Variants in MOB4 observed in about 807,000 individuals in gnomAD.
MOB4 encodes MOB family member 4, phocein, also known as MOB-like protein phocein.
A neutral mutation model predicts 32.2 loss-of-function variants in MOB4; 4 were observed. The observed-to-expected ratio is 0.12, with a 90% CI of 0.06 to 0.28. The LOEUF is 0.28. Ranked by LOEUF, MOB4 falls within the 10% of genes least tolerant of loss-of-function variation. MOB4 has a pLI of 1.00. For missense variants in MOB4, 158 were observed against 271.2 expected (o/e 0.58, Z 2.93); for synonymous variants, 88 against 88.1 (o/e 1.00, Z 0.01).
intron 2 of MOB4, among the ~76,000 whole-genome samples, chr2:197,533,505 A>G (rs1032453841): frequency 6.6e-6 from 1 of 152,108 alleles, no homozygotes; most frequent in African/African-American, 2.4e-5. Context: ...CGGGTGGATC[A>G]GCTGAGGTCA....
chr2:197,540,302 C>A (rs1411094814), intron 4 of MOB4, 49 bp from the exon 5 acceptor site: 10 of 1,470,926 alleles, frequency 6.8e-6, no homozygotes, highest in Non-Finnish European at 8.1e-6. Context: ...AAATGATAAG[C>A]TTTTTCATTA....
At chr2:197,535,049 C>T (rs547651686) in intron 2 of MOB4, among the ~76,000 whole-genome samples, 18 of 152,092 alleles carry the variant, frequency 1.2e-4, no homozygotes, top group African/African-American at 4.1e-4. Flanking sequence ...ATGGTGAAAT[C>T]CTGTATCTAC....
intron 5 of MOB4, 76 bp downstream of exon 5, chr2:197,540,513 T>G (rs2086878618): frequency 7.5e-7 from 1 of 1,328,866 alleles, no homozygotes; most frequent in East Asian, 2.7e-5. Flanking sequence ...TTAGACAAGT[T>G]TTTAGGGTTT....
intron 3 of MOB4, among the ~76,000 whole-genome samples, chr2:197,538,100 T>G (rs974342843): frequency 1.5e-4 from 23 of 151,916 alleles, no homozygotes; most frequent in African/African-American, 5.5e-4. Context: ...ACAAGCATAA[T>G]TCCTAACAAA....
chr2:197,523,887 A>G (rs2086563765), intron 2 of MOB4, among the ~76,000 whole-genome samples: 1 of 152,246 alleles, frequency 6.6e-6, no homozygotes, highest in East Asian at 1.9e-4. Flanking sequence ...AAGTATTCTT[A>G]TATCTTTTCG....
At chr2:197,520,068 A>G (rs943468698) in intron 1 of MOB4, among the ~76,000 whole-genome samples, 79 of 152,118 alleles carry the variant, frequency 5.2e-4, no homozygotes, top group African/African-American at 1.7e-3. Flanking sequence ...GGACATTGCT[A>G]CTATAGTTGA....
Position 197,516,164 on chromosome 2 carries a change from T to C in MOB4, c.60+18T>C, listed in dbSNP as rs377005447. 3 of 1,593,074 alleles carry C rather than the reference T, an allele frequency of 1.9e-6. No individual in the cohort carries two copies. Among genetic ancestry groups the C allele is most frequent in the East Asian group, 2.3e-5 (1 of 43,634 alleles). The stretch of plus-strand genomic sequence containing the variant: ...AGGCGCAGGTACCATGTCTGCACTT[T>C]TCTTGTCGGGCAACTAGGTGCCGAG... On this transcript the variant is annotated intron_variant, in intron 1 of 7. Transcript: ENST00000323303.
chr2:197,520,280 T>C (rs536551325), intron 1 of MOB4, among the ~76,000 whole-genome samples: 1 of 151,976 alleles, frequency 6.6e-6, no homozygotes, highest in South Asian at 2.1e-4. Context: ...CTTCCTGGGT[T>C]TGCGCCCACC....
chr2:197,541,763 CA>C (rs1387681691), intron 5 of MOB4, among the ~76,000 whole-genome samples: 2 of 151,848 alleles, frequency 1.3e-5, no homozygotes, highest in Non-Finnish European at 2.9e-5. Flanking sequence ...ATTAAAAATA[CA>C]AAAAATTAGC....
rs147674033 is a variant in MOB4 at position 197,546,739 on chromosome 2, G to A, written c.355-1597G>A. On this transcript the variant is annotated intron_variant, in intron 5 of 7. Transcript: ENST00000323303. ...TTAAATATATGGCTTGCATTATACA[G>A]TTGACCCTTGAACAACTCCGGGATT... is the stretch of plus-strand genomic sequence containing the variant. 6.0e-3 allele frequency among the ~76,000 whole-genome samples: 917 copies of A among 152,246 alleles called. 5 individuals are homozygous for A. Among genetic ancestry groups the A allele is most frequent in the African/African-American group, 0.021 (857 of 41,542 alleles).
intron 2 of MOB4, among the ~76,000 whole-genome samples, chr2:197,531,410 C>T (rs2086702298): frequency 6.6e-6 from 1 of 152,072 alleles, no homozygotes; most frequent in Non-Finnish European, 1.5e-5. Context: ...GCAACCATCA[C>T]CACCGTGTCC....
chr2:197,540,048 A>C (rs1487606201), intron 3 of MOB4, 63 bp from the exon 4 acceptor site: 2 of 1,526,126 alleles, frequency 1.3e-6, no homozygotes, highest in Non-Finnish European at 1.8e-6. Context: ...TTTTGCAGCT[A>C]ATATTCTAAA....
chr2:197,540,907 CTT>C (rs796486070), intron 5 of MOB4, among the ~76,000 whole-genome samples: 1 of 142,360 alleles, frequency 7.0e-6, no homozygotes, highest in African/African-American at 2.6e-5. Context: ...TTGTTTTGCT[CTT>C]TTTTTTTTTT....
rs115407452 is a variant in MOB4 at position 197,536,446 on chromosome 2, C to T, written c.224+816C>T. ...TCTCAAACTCCGGGGCTTAAGCAATCCACCCACCTTGGCCTCCCACAGTGC... is the reference window on the plus strand; with the variant it reads ...TCTCAAACTCCGGGGCTTAAGCAATTCACCCACCTTGGCCTCCCACAGTGC... On this transcript the variant is annotated intron_variant, in intron 3 of 7. Coordinates refer to ENST00000323303, the MANE Select transcript of MOB4 (RefSeq NM_015387.5). Among the ~76,000 whole-genome samples, 812 of 152,184 alleles carry T rather than the reference C, an allele frequency of 5.3e-3. 5 individuals carry two copies. Among genetic ancestry groups the T allele is most frequent in the Non-Finnish European group, 8.6e-3 (584 of 67,982 alleles).
In MOB4 at chr2:197,535,581, G is replaced by C. The variant is rs759890206; in HGVS notation, c.175G>C (p.Glu59Gln). The C allele has an allele frequency of 1.4e-5, 22 of 1,612,792 alleles. No homozygotes were observed. The highest frequency in any genetic ancestry group is 1.3e-5 in the Non-Finnish European group (15 of 1,179,766). Residue 59 changes from glutamate to glutamine, a missense_variant, in exon 3 of 8, where the codon GAA becomes CAA. Physicochemically the swap from Glu to Gln is conservative, Grantham distance 29 (BLOSUM62 2). Coordinates refer to ENST00000323303, the MANE Select transcript of MOB4 (RefSeq NM_015387.5). Reference sequence around the variant, plus strand: ...TTGCTCCAATATTGACAAAATTCTTGAACCACCTGAAGGCCAAGATGAAGG... The same window carrying C: ...TTGCTCCAATATTGACAAAATTCTTCAACCACCTGAAGGCCAAGATGAAGG... ...ADCSNIDKIL[E>Q]PPEGQDEGVW...
At chr2:197,543,406 T>G (rs866347656) in intron 5 of MOB4, among the ~76,000 whole-genome samples, 1 of 151,886 alleles carries the variant, frequency 6.6e-6, no homozygotes, top group African/African-American at 2.4e-5. Flanking sequence ...GTTATTGTTA[T>G]GCTGATTAAC....
intron 1 of MOB4, among the ~76,000 whole-genome samples, chr2:197,521,295 T>C (rs2086513564): frequency 6.6e-6 from 1 of 152,116 alleles, no homozygotes; most frequent in Non-Finnish European, 1.5e-5. Flanking sequence ...AAGTTTTTAT[T>C]AGGGACTTTC....
chr2:197,530,176 G>T (rs777425391), intron 2 of MOB4, among the ~76,000 whole-genome samples: 38 of 151,908 alleles, frequency 2.5e-4, no homozygotes, highest in Non-Finnish European at 5.0e-4. Context: ...CACCTTCTTG[G>T]CCAGGCTGGT....
At chr2:197,530,612 T>G (rs1259237826) in intron 2 of MOB4, among the ~76,000 whole-genome samples, 2 of 151,824 alleles carry the variant, frequency 1.3e-5, no homozygotes, top group African/African-American at 2.4e-5. Context: ...TCTCCTGGCT[T>G]CTTTAGTGGT....
Sources: allele counts gnomAD v4.1 joint callset (sites outside exome capture counted in the v4.1 genomes callset), GRCh38; gene constraint gnomAD v4.1.1; transcripts MANE v1.5; gene names NCBI Gene and HGNC (gene_info 2026-07-23, HGNC 2026-07-21).